Variants in NRXN3 observed in about 807,000 individuals in gnomAD.
NRXN3 encodes the protein neurexin 3, also known as neurexin III.
A neutral mutation model predicts 137.6 loss-of-function variants in NRXN3; 32 were observed. The observed-to-expected ratio is 0.23, with a 90% CI of 0.18 to 0.31. The LOEUF (loss-of-function observed/expected upper bound fraction) is 0.31, where lower values mean the gene tolerates loss of function less well. Ranked by LOEUF, NRXN3 falls within the 10% of genes least tolerant of loss-of-function variation. The pLI is 1.00. For missense variants in NRXN3, 1,574 were observed against 2,062.5 expected, an observed-to-expected ratio of 0.76 and a Z score of 4.59; for synonymous variants, 798 against 784.5, an observed-to-expected ratio of 1.02 and a Z score of -0.29.
intron 15 of NRXN3, among the ~76,000 whole-genome samples, chr14:79,207,050 GC>G (rs1467849619): frequency 6.6e-6 from 1 of 152,118 alleles, no homozygotes; most frequent in African/African-American, 2.4e-5. Flanking sequence ...TCCCTCCCCA[GC>G]TGCTTCCTGG....
chr14:78,500,575 C>A (rs1047493324), intron 4 of NRXN3, among the ~76,000 whole-genome samples: 1 of 152,086 alleles, frequency 6.6e-6, no homozygotes, highest in Non-Finnish European at 1.5e-5. Context: ...ACGGATACCC[C>A]CTGCCAACCC....
intron 8 of NRXN3, among the ~76,000 whole-genome samples, chr14:78,749,153 G>A (rs781462400): frequency 2.6e-5 from 4 of 152,162 alleles, no homozygotes; most frequent in Non-Finnish European, 5.9e-5. Flanking sequence ...TTGTCAGATG[G>A]GCTGAGCAGT....
chr14:78,578,234 A>G (rs151067899), intron 4 of NRXN3, among the ~76,000 whole-genome samples: 81 of 152,344 alleles, frequency 5.3e-4, no homozygotes, highest in African/African-American at 1.9e-3. Context: ...TTATGTAATT[A>G]TATTAATTAT....
At chr14:78,658,020 TC>T (rs749689664) in intron 6 of NRXN3, among the ~76,000 whole-genome samples, 1 of 152,328 alleles carries the variant, frequency 6.6e-6, no homozygotes, top group Non-Finnish European at 1.5e-5. Context: ...TTCGTTTGTT[TC>T]CCAAGCTGTT....
intron 1 of NRXN3, among the ~76,000 whole-genome samples, chr14:78,221,648 A>G (rs891290236): frequency 2.0e-5 from 3 of 152,190 alleles, no homozygotes; most frequent in African/African-American, 4.8e-5. Flanking sequence ...GGCCTTACTC[A>G]TCTAGGTAAT....
chr14:79,235,959 A>G (rs542311426), intron 15 of NRXN3, among the ~76,000 whole-genome samples: 6 of 152,144 alleles, frequency 3.9e-5, no homozygotes, highest in Non-Finnish European at 8.8e-5. Flanking sequence ...TAACATATCT[A>G]ATTATTATCT....
intron 19 of NRXN3, among the ~76,000 whole-genome samples, chr14:79,763,326 G>C (rs1341098970): frequency 6.6e-6 from 1 of 151,702 alleles, no homozygotes; most frequent in African/African-American, 2.4e-5. Context: ...TGCTGCAATA[G>C]ACATACATGT....
At chr14:78,740,659 G>C (rs2098563192) in intron 8 of NRXN3, among the ~76,000 whole-genome samples, 1 of 150,600 alleles carries the variant, frequency 6.6e-6, no homozygotes, top group Admixed American at 6.6e-5. Context: ...TTCTTCTCCT[G>C]GATAATGAGG....
At chr14:78,705,604 C>T (rs755982997) in intron 6 of NRXN3, among the ~76,000 whole-genome samples, 5 of 152,110 alleles carry the variant, frequency 3.3e-5, no homozygotes, top group South Asian at 2.1e-4. Flanking sequence ...GTTTGTGTGC[C>T]GGTTTAGAAT....
intron 15 of NRXN3, among the ~76,000 whole-genome samples, chr14:79,393,590 G>A (rs1253053720): frequency 2.0e-5 from 3 of 152,104 alleles, no homozygotes; most frequent in South Asian, 2.1e-4. Flanking sequence ...CGAGGCGGGC[G>A]GATCATGAGG....
chr14:78,607,739 A>T lies in NRXN3; in HGVS notation c.758-37381A>T, dbSNP rs561432057. Reference sequence around the variant, plus strand: ...GAAGAACCAGGCATACTATGTTGCTATTCTCCACGATCTGTGTTAAGGTTT... The same window carrying T: ...GAAGAACCAGGCATACTATGTTGCTTTTCTCCACGATCTGTGTTAAGGTTT... On this transcript the variant is annotated intron_variant, in intron 4 of 20. Transcript: ENST00000335750. Among the ~76,000 whole-genome samples the T allele has an allele frequency of 1.9e-4, 29 of 152,302 alleles. No homozygotes were observed. In the East Asian group the frequency reaches 4.1e-3, roughly 21 times the overall value.
At chr14:79,618,064 T>C (rs1779597545) in intron 16 of NRXN3, among the ~76,000 whole-genome samples, 1 of 152,136 alleles carries the variant, frequency 6.6e-6, no homozygotes, top group African/African-American at 2.4e-5. Flanking sequence ...GTTTTTAATA[T>C]TGAAGACTTC....
At chr14:79,580,322 G>A (rs2097702292) in intron 16 of NRXN3, among the ~76,000 whole-genome samples, 1 of 152,154 alleles carries the variant, frequency 6.6e-6, no homozygotes, top group Non-Finnish European at 1.5e-5. Flanking sequence ...TGGGATTGCT[G>A]GTGGATGGAG....
At chr14:78,677,165 C>A (rs1419836707) in intron 6 of NRXN3, among the ~76,000 whole-genome samples, 1 of 152,064 alleles carries the variant, frequency 6.6e-6, no homozygotes, top group Non-Finnish European at 1.5e-5. Flanking sequence ...GTTTGTAAGG[C>A]TATAGCTTCC....
intron 10 of NRXN3, among the ~76,000 whole-genome samples, chr14:78,837,889 C>A (rs2099001474): frequency 6.6e-6 from 1 of 152,090 alleles, no homozygotes; most frequent in Non-Finnish European, 1.5e-5. Context: ...GATTAGAGAG[C>A]ATATTTTCAA....
chr14:79,442,002 G>T (rs1324445176), intron 15 of NRXN3, among the ~76,000 whole-genome samples: 2 of 151,932 alleles, frequency 1.3e-5, no homozygotes, highest in African/African-American at 4.8e-5. Flanking sequence ...CCTCATTCTA[G>T]GTGAGTATAG....
chr14:79,344,784 T>A (rs2092787110), intron 15 of NRXN3, among the ~76,000 whole-genome samples: 1 of 152,190 alleles, frequency 6.6e-6, no homozygotes. Context: ...GTTGACAATA[T>A]AACTCTTTGT....
intron 15 of NRXN3, among the ~76,000 whole-genome samples, chr14:79,301,711 T>C (rs906334593): frequency 6.6e-6 from 1 of 151,806 alleles, no homozygotes; most frequent in Non-Finnish European, 1.5e-5. Context: ...TCCAAGTGTG[T>C]GTGTGTATGT....
At chr14:78,986,738 T>C (rs73317251) in intron 14 of NRXN3, among the ~76,000 whole-genome samples, 7,410 of 152,188 alleles carry the variant, frequency 0.049, 652 homozygotes, top group African/African-American at 0.17. Flanking sequence ...AGAATCCATT[T>C]TTAGCTTGGT....
Sources: allele counts gnomAD v4.1 joint callset (sites outside exome capture counted in the v4.1 genomes callset), GRCh38; gene constraint gnomAD v4.1.1; transcripts MANE v1.5; gene names NCBI Gene and HGNC (gene_info 2026-07-23, HGNC 2026-07-21).